CDH12: variants seen among roughly 807,000 people sequenced by gnomAD.
The protein encoded by CDH12 is cadherin-12.
CDH12 carries 41 observed loss-of-function variants against 74.1 expected under a neutral mutation model. The ratio of observed to expected loss-of-function variants is 0.55; its 90% CI spans 0.43 to 0.72. The LOEUF is 0.72. Among genes scored for constraint, CDH12 ranks in the 30% least tolerant of loss-of-function variants. The pLI is 0.00. For missense variants in CDH12, 945 were observed against 977.2 expected (o/e 0.97, Z 0.44); for synonymous variants, 399 against 355.0 (o/e 1.12, Z -1.39).
chr5:22,461,982 A>G (rs1319028631), intron 2 of CDH12, among the ~76,000 whole-genome samples: 1 of 152,160 alleles, frequency 6.6e-6, no homozygotes, highest in African/African-American at 2.4e-5. Context: ...CATATTATGC[A>G]TTTATTAATT....
intron 5 of CDH12, among the ~76,000 whole-genome samples, chr5:22,037,177 C>T (rs971894676): frequency 6.6e-6 from 1 of 152,168 alleles, no homozygotes; most frequent in Admixed American, 6.5e-5. Flanking sequence ...CCACCTCACA[C>T]CTTAATACTC....
At chr5:22,750,906 G>C (rs1745534174) in intron 1 of CDH12, among the ~76,000 whole-genome samples, 1 of 134,144 alleles carries the variant, frequency 7.5e-6, no homozygotes, top group Non-Finnish European at 1.6e-5. Context: ...TTAATGTTAG[G>C]AAATCATAGT....
At chr5:21,856,753 C>T (rs1019194585) in intron 6 of CDH12, among the ~76,000 whole-genome samples, 3 of 151,618 alleles carry the variant, frequency 2.0e-5, no homozygotes, top group Admixed American at 6.6e-5. Flanking sequence ...ATTAATGCAT[C>T]GAAGTTGCAA....
chr5:22,166,399 G>T (rs1748686100), intron 4 of CDH12, among the ~76,000 whole-genome samples: 1 of 151,944 alleles, frequency 6.6e-6, no homozygotes, highest in Admixed American at 6.6e-5. Context: ...AAGTCAATGG[G>T]TTTTTTTGCT....
At chr5:22,159,330 G>A (rs1405890107) in intron 4 of CDH12, among the ~76,000 whole-genome samples, 2 of 152,158 alleles carry the variant, frequency 1.3e-5, no homozygotes, top group African/African-American at 2.4e-5. Context: ...TGTTGAAAAT[G>A]AATAGTTTTC....
chr5:22,589,465 C>T (rs1265235254), intron 1 of CDH12, among the ~76,000 whole-genome samples: 2 of 152,180 alleles, frequency 1.3e-5, no homozygotes, highest in Non-Finnish European at 2.9e-5. Context: ...TCTATTCTTG[C>T]TTTCACTTCA....
intron 9 of CDH12, among the ~76,000 whole-genome samples, chr5:21,812,133 A>C (rs1358336349): frequency 3.3e-5 from 5 of 152,114 alleles, no homozygotes; most frequent in Non-Finnish European, 5.9e-5. Context: ...ATTTTAATGT[A>C]TTCTTAAGTG....
intron 1 of CDH12, among the ~76,000 whole-genome samples, chr5:22,712,377 A>G (rs1190945710): frequency 6.6e-6 from 1 of 152,068 alleles, no homozygotes. Flanking sequence ...AATTCCTTTT[A>G]ATTTTATTAA....
intron 6 of CDH12, among the ~76,000 whole-genome samples, chr5:21,959,030 C>A (rs1263351819): frequency 0.025 from 3,298 of 132,736 alleles, no homozygotes; most frequent in African/African-American, 0.031. Flanking sequence ...TGTATTTTAC[C>A]CTAGATATTT....
chr5:22,588,737 AC>A (rs1252206574), intron 1 of CDH12, among the ~76,000 whole-genome samples: 1 of 152,116 alleles, frequency 6.6e-6, no homozygotes, highest in East Asian at 1.9e-4. Context: ...ATCTGCTGGT[AC>A]CTTACTCACA....
rs1741410315 is a variant in CDH12, at chr5:22,680,013, G to A, written c.-523+173045C>T. Among the ~76,000 whole-genome samples, 5 of 152,090 alleles carry A rather than the reference G, an allele frequency of 3.3e-5. No homozygotes were observed. In the South Asian group the frequency reaches 1.0e-3, roughly 31 times the overall value. Reference sequence around the variant, plus strand: ...TGAACTAGCAAGCAAGCTCCTTGAGGAACAAACAGTAAACAGATAGCAACA... The same window carrying A: ...TGAACTAGCAAGCAAGCTCCTTGAGAAACAAACAGTAAACAGATAGCAACA... On this transcript the variant is annotated intron_variant, in intron 1 of 14. Coordinates refer to ENST00000382254, the MANE Select transcript of CDH12 (RefSeq NM_004061.5).
intron 1 of CDH12, among the ~76,000 whole-genome samples, chr5:22,586,837 ATTTTTT>A (rs11417237): frequency 9.5e-6 from 1 of 105,450 alleles, no homozygotes; most frequent in African/African-American, 3.7e-5. Flanking sequence ...TTAGAGGAGG[ATTTTTT>A]TTTTTTTTTT....
At chr5:22,618,672 T>G (rs1156815204) in intron 1 of CDH12, among the ~76,000 whole-genome samples, 1 of 152,070 alleles carries the variant, frequency 6.6e-6, no homozygotes, top group Non-Finnish European at 1.5e-5. Flanking sequence ...TATTCAAAGG[T>G]GTGTTTTAAA....
At chr5:22,205,763 T>C (rs1751184316) in intron 4 of CDH12, among the ~76,000 whole-genome samples, 1 of 152,054 alleles carries the variant, frequency 6.6e-6, no homozygotes, top group Non-Finnish European at 1.5e-5. Context: ...AGTTTTGAAC[T>C]TCAGTATGGA....
In CDH12 at chr5:22,623,895, C is replaced by T. The variant is rs568216324; in HGVS notation, c.-522-118531G>A. On this transcript the variant is annotated intron_variant, in intron 1 of 14. Coordinates refer to ENST00000382254, the MANE Select transcript of CDH12 (RefSeq NM_004061.5). ...CAAAAGAACAAAGTTGAAGGTATCA[C>T]GCTACCTGACTTCAAATTATACTAC... Among the ~76,000 whole-genome samples, 10 of 152,262 alleles carry T rather than the reference C, an allele frequency of 6.6e-5. No homozygotes were observed. The South Asian group carries it at 1.0e-3, about 16-fold the overall frequency.
intron 3 of CDH12, among the ~76,000 whole-genome samples, chr5:22,279,435 T>C (rs1369202289): frequency 6.6e-6 from 1 of 152,204 alleles, no homozygotes; most frequent in Non-Finnish European, 1.5e-5. Context: ...TGCAGGTTTG[T>C]TACATATGTA....
At chr5:22,096,616 C>A (rs756852408) in intron 4 of CDH12, among the ~76,000 whole-genome samples, 2 of 152,126 alleles carry the variant, frequency 1.3e-5, no homozygotes, top group African/African-American at 2.4e-5. Flanking sequence ...AGCCCTCCCC[C>A]ACCTGCCCAG....
At chr5:22,822,108 T>G (rs1249689567) in intron 1 of CDH12, among the ~76,000 whole-genome samples, 1 of 151,898 alleles carries the variant, frequency 6.6e-6, no homozygotes, top group East Asian at 1.9e-4. Flanking sequence ...CTTTGACAAA[T>G]CTGACAAAAA....
At chr5:22,505,156 A>C (rs1580715034) in intron 2 of CDH12, 114 bp downstream of exon 2, 1 of 180,170 alleles carries the variant, frequency 5.6e-6, no homozygotes, top group East Asian at 1.9e-4. Flanking sequence ...ATATTTGAAT[A>C]TTTTGATTTC....
Sources: allele counts gnomAD v4.1 joint callset (sites outside exome capture counted in the v4.1 genomes callset), GRCh38; gene constraint gnomAD v4.1.1; transcripts MANE v1.5; gene names NCBI Gene and HGNC (gene_info 2026-07-23, HGNC 2026-07-21).